SLC2A13: variants seen among roughly 807,000 people sequenced by gnomAD.
The protein encoded by SLC2A13 is proton myo-inositol cotransporter.
In SLC2A13, 32 loss-of-function variants were observed where a neutral mutation model predicts 64.4. That is an observed-to-expected ratio of 0.50 (90% CI 0.37 to 0.67). The LOEUF (loss-of-function observed/expected upper bound fraction) is 0.67. SLC2A13 is among the 30% of genes least tolerant of loss of function. The probability of loss-of-function intolerance (pLI) is 0.00; values close to 1 mark genes in which losing one functional copy is unlikely to be tolerated. For synonymous variants in SLC2A13, 338 were observed against 327.1 expected (o/e 1.03, Z -0.36); for missense variants, 743 against 829.2 (o/e 0.90, Z 1.28).
At position 39,908,785 on chromosome 12, in the gene SLC2A13, G is replaced by GT. The variant is rs572107437; in HGVS notation, c.1035-36825dup. ...GTCAGGTCTTGAGCATAGAGGTAAG[G>GT]TAAAAAGCAGGGTTTGGTATTTGGG... On this transcript the variant is annotated intron_variant, in intron 4 of 9. Transcript: ENST00000280871. 1.0e-3 allele frequency among the ~76,000 whole-genome samples: 152 copies of GT among 152,070 alleles called. 1 individual carries two copies. The highest frequency in any genetic ancestry group is 3.6e-3 in the African/African-American group (150 of 41,418).
chr12:39,951,388 A>AC (rs1272083104), intron 3 of SLC2A13, 23 bp from the exon 4 acceptor site: 9 of 1,551,982 alleles, frequency 5.8e-6, no homozygotes, highest in African/African-American at 1.4e-5. Flanking sequence ...AGAAAGAAAA[A>AC]AAAAATACAA....
intron 3 of SLC2A13, among the ~76,000 whole-genome samples, chr12:39,977,432 C>T (rs1432053748): frequency 6.6e-6 from 1 of 152,204 alleles, no homozygotes; most frequent in African/African-American, 2.4e-5. Context: ...TCTCAGTGTT[C>T]ACTTTCTCAA....
intron 3 of SLC2A13, among the ~76,000 whole-genome samples, chr12:39,956,131 AACAG>A (rs936690192): frequency 2.0e-5 from 3 of 152,246 alleles, no homozygotes; most frequent in Admixed American, 6.5e-5. Flanking sequence ...TCTTCAATGC[AACAG>A]ACAAATTCCC....
intron 4 of SLC2A13, among the ~76,000 whole-genome samples, chr12:39,948,737 G>A (rs1033724169): frequency 2.0e-5 from 3 of 151,944 alleles, no homozygotes; most frequent in African/African-American, 7.2e-5. Flanking sequence ...AGCATTAACT[G>A]CTTTATTTCC....
At chr12:39,768,635 G>C (rs866638444) in intron 7 of SLC2A13, among the ~76,000 whole-genome samples, 6 of 152,062 alleles carry the variant, frequency 3.9e-5, no homozygotes, top group Admixed American at 3.9e-4. Flanking sequence ...TGGTGGAGTG[G>C]TCAGAACACA....
intron 1 of SLC2A13, among the ~76,000 whole-genome samples, chr12:40,067,031 G>A (rs372764298): frequency 6.6e-6 from 1 of 152,006 alleles, no homozygotes; most frequent in Admixed American, 6.6e-5. Context: ...AACAATATTC[G>A]AGTTGCAGGT....
At chr12:39,876,332 T>C (rs904785355) in intron 4 of SLC2A13, among the ~76,000 whole-genome samples, 1 of 152,176 alleles carries the variant, frequency 6.6e-6, no homozygotes, top group African/African-American at 2.4e-5. Context: ...TAACTAGCAA[T>C]AAAAGACTAA....
In SLC2A13 at chr12:40,031,655, G is replaced by A. The variant is rs573855073; in HGVS notation, c.717-3146C>T. ...TTCACCTCCCTGAACTCCTAACCAC[G>A]CAATCAATTCACTGTAACGTGTTTG... On this transcript the variant is annotated intron_variant, in intron 2 of 9. Transcript: ENST00000280871. Among the ~76,000 whole-genome samples the A allele has an allele frequency of 9.9e-5, 15 of 152,280 alleles. No individual in the cohort carries two copies. In the South Asian group the frequency reaches 2.5e-3, roughly 25 times the overall value.
intron 1 of SLC2A13, among the ~76,000 whole-genome samples, chr12:40,080,163 C>A (rs1010316095): frequency 1.3e-5 from 2 of 150,136 alleles, no homozygotes; most frequent in Non-Finnish European, 3.0e-5. Flanking sequence ...CACCTGGGTT[C>A]TTTGTCCTTT....
intron 7 of SLC2A13, among the ~76,000 whole-genome samples, chr12:39,792,738 T>A (rs1941446282): frequency 6.6e-6 from 1 of 152,074 alleles, no homozygotes; most frequent in South Asian, 2.1e-4. Flanking sequence ...AAGTACTGTA[T>A]TTTTTTATTC....
At chr12:39,780,209 CT>C (rs1940932831) in intron 7 of SLC2A13, among the ~76,000 whole-genome samples, 1 of 151,798 alleles carries the variant, frequency 6.6e-6, no homozygotes, top group Admixed American at 6.6e-5. Flanking sequence ...GCATATAAGT[CT>C]TTTTTAAATA....
chr12:39,817,577 G>C (rs1172131758), intron 7 of SLC2A13, among the ~76,000 whole-genome samples: 1 of 152,082 alleles, frequency 6.6e-6, no homozygotes, highest in Non-Finnish European at 1.5e-5. Context: ...CAGCTAAGGG[G>C]GTTAGTGAAA....
chr12:39,769,125 A>G (rs1940468099), intron 7 of SLC2A13, among the ~76,000 whole-genome samples: 1 of 152,070 alleles, frequency 6.6e-6, no homozygotes, highest in East Asian at 1.9e-4. Flanking sequence ...ATTTTATCTC[A>G]GTTGGTTCCC....
At chr12:39,855,207 T>C (rs1217382660) in intron 6 of SLC2A13, among the ~76,000 whole-genome samples, 1 of 152,220 alleles carries the variant, frequency 6.6e-6, no homozygotes, top group East Asian at 1.9e-4. Flanking sequence ...AGTACATACA[T>C]TACTATTTAA....
intron 3 of SLC2A13, among the ~76,000 whole-genome samples, chr12:39,956,070 T>A (rs1037484488): frequency 6.6e-6 from 1 of 152,208 alleles, no homozygotes; most frequent in African/African-American, 2.4e-5. Context: ...TCAGGACAGA[T>A]ATTAAAATAA....
intron 3 of SLC2A13, among the ~76,000 whole-genome samples, chr12:39,978,471 G>C (rs11612590): frequency 7.3e-5 from 11 of 150,854 alleles, no homozygotes; most frequent in African/African-American, 1.4e-4. Context: ...TGCGCGCACC[G>C]TGCGCGAGCC....
chr12:39,943,004 A>C (rs1171912166), intron 4 of SLC2A13, among the ~76,000 whole-genome samples: 1 of 152,164 alleles, frequency 6.6e-6, no homozygotes, highest in Non-Finnish European at 1.5e-5. Flanking sequence ...TCCTTGTAAC[A>C]GTCAGGCCCC....
intron 1 of SLC2A13, among the ~76,000 whole-genome samples, chr12:40,067,204 T>C (rs902585348): frequency 3.3e-5 from 5 of 152,060 alleles, no homozygotes; most frequent in African/African-American, 1.2e-4. Flanking sequence ...TATAAATTCT[T>C]ATTTATTTAT....
chr12:39,942,478 A>T (rs945597666), intron 4 of SLC2A13, among the ~76,000 whole-genome samples: 6 of 152,128 alleles, frequency 3.9e-5, no homozygotes, highest in Non-Finnish European at 8.8e-5. Context: ...CAGCTATTGT[A>T]GAAGGGGTTG....
Sources: allele counts gnomAD v4.1 joint callset (sites outside exome capture counted in the v4.1 genomes callset), GRCh38; gene constraint gnomAD v4.1.1; transcripts MANE v1.5; gene names NCBI Gene and HGNC (gene_info 2026-07-23, HGNC 2026-07-21).